ZNF518A: variants seen among roughly 807,000 people sequenced by gnomAD.
ZNF518A encodes the protein zinc finger protein 518A.
ZNF518A carries 47 observed loss-of-function variants against 102.7 expected under a neutral mutation model. That is an observed-to-expected ratio of 0.46 (90% CI 0.36 to 0.58). ZNF518A has a LOEUF of 0.58. Among genes scored for constraint, ZNF518A ranks in the 20% least tolerant of loss-of-function variants. The pLI is 0.00. For synonymous variants in ZNF518A, 652 were observed against 594.6 expected (o/e 1.10, Z -1.40); for missense variants, 1,793 against 1,699.8 (o/e 1.05, Z -0.96).
intron 1 of ZNF518A, chr10:96,189,997 T>C: frequency 2.4e-6 from 2 of 820,468 alleles, no homozygotes; most frequent in Non-Finnish European, 2.1e-6. Context: ...AAGGTGCCAG[T>C]GTTATTTAAT....
Position 96,162,453 on chromosome 10 carries a change from TC to T in ZNF518A, c.*1683del, listed in dbSNP as rs1300333531. 8 of 167,096 alleles carry T rather than the reference TC, an allele frequency of 4.8e-5. No individual in the cohort carries two copies. In the East Asian group the frequency reaches 1.5e-3, roughly 32 times the overall value. 10.4% of individuals were successfully genotyped at this position (167,096 alleles called of 1,614,324 possible). ...AACAGTAGGTCCCAAATGGGCCCAT[TC>T]CCCTAATAGTTTTATTTTTAAAGAA... On this transcript the variant is annotated 3_prime_UTR_variant, in exon 6 of 6. Transcript: ENST00000316045.
rs782047375 is a variant in ZNF518A at position 96,156,460 on chromosome 10, A to G, written c.138A>G (p.Lys46=). 6.2e-7 allele frequency: 1 copy of G among 1,613,206 alleles called. No individual in the cohort carries two copies. The highest frequency in any genetic ancestry group is 8.5e-7 in the Non-Finnish European group (1 of 1,179,600). ...CAGGAAGTATTCATTATGCACTAAA[A>G]AATGTGAAAATTGATTTGCCAAAAA... The part of the protein sequence containing the change: ...KISGSIHYAL[K]NVKIDLPKIN... Residue 46 remains lysine (K), a synonymous_variant, in exon 6 of 6, where the codon AAA becomes AAG. Transcript: ENST00000316045.
chr10:96,139,253 TA>T (rs2081786105), intron 3 of ZNF518A, among the ~76,000 whole-genome samples: 1 of 152,126 alleles, frequency 6.6e-6, no homozygotes, highest in African/African-American at 2.4e-5. Context: ...GTAAAGAGAT[TA>T]AATTTTATTT....
At chr10:96,174,724 C>G (rs782618212) in intron 1 of ZNF518A, among the ~76,000 whole-genome samples, 1 of 146,926 alleles carries the variant, frequency 6.8e-6, no homozygotes, top group Non-Finnish European at 1.5e-5. Context: ...TTAGTAAAGT[C>G]TACCAAAAAA....
At chr10:96,136,310 T>C (rs1444945863) in intron 3 of ZNF518A, among the ~76,000 whole-genome samples, 1 of 151,704 alleles carries the variant, frequency 6.6e-6, no homozygotes, top group East Asian at 2.0e-4. Flanking sequence ...TTTTTAAAAA[T>C]AGCAATTAAC....
At chr10:96,173,471 C>T (rs928259349) in intron 1 of ZNF518A, among the ~76,000 whole-genome samples, 12 of 152,026 alleles carry the variant, frequency 7.9e-5, no homozygotes, top group Middle Eastern at 6.8e-3. Context: ...TAACAAAATA[C>T]CATAGACTGA....
At chr10:96,197,454 A>G (rs1186130090) in intron 1 of ZNF518A, among the ~76,000 whole-genome samples, 1 of 152,154 alleles carries the variant, frequency 6.6e-6, no homozygotes, top group African/African-American at 2.4e-5. Context: ...ACTGGCATGC[A>G]CCACCATGCC....
chr10:96,171,023 TA>T (rs782009842), intron 1 of ZNF518A, among the ~76,000 whole-genome samples: 248 of 136,990 alleles, frequency 1.8e-3, no homozygotes, highest in East Asian at 5.0e-3. Context: ...GAGATACCAC[TA>T]AAAAAAAAAA....
chr10:96,130,370 C>T lies in ZNF518A; in HGVS notation c.-835C>T, dbSNP rs1445899509. 6.6e-6 allele frequency among the ~76,000 whole-genome samples: 1 copy of T among 152,202 alleles called. No homozygotes were observed. Among genetic ancestry groups the T allele is most frequent in the Non-Finnish European group, 1.5e-5 (1 of 68,034 alleles). On this transcript the variant is annotated 5_prime_UTR_variant, in exon 1 of 6. Coordinates refer to ENST00000316045, the MANE Select transcript of ZNF518A (RefSeq NM_001330736.2). ...GCTTTTGCCGACTGCTAGAGCTTACCCTTACTTTCTTAACCTGGGGTTGTT... is the reference window on the plus strand; with the variant it reads ...GCTTTTGCCGACTGCTAGAGCTTACTCTTACTTTCTTAACCTGGGGTTGTT...
chr10:96,153,034 C>G (rs781978441), intron 3 of ZNF518A, among the ~76,000 whole-genome samples: 1 of 152,170 alleles, frequency 6.6e-6, no homozygotes, highest in Non-Finnish European at 1.5e-5. Context: ...ATGATTCAGT[C>G]CAAGTCCAAA....
chr10:96,180,867 T>G (rs11188649), intron 1 of ZNF518A, among the ~76,000 whole-genome samples: 129,126 of 152,160 alleles, frequency 0.85, 55,641 homozygotes, highest in Middle Eastern at 0.93. Context: ...CCCAGTAATG[T>G]GATGGCTGGG....
chr10:96,159,600 C>A lies in ZNF518A; in HGVS notation c.3278C>A (p.Pro1093His). 1 of 1,613,850 alleles carries A rather than the reference C, an allele frequency of 6.2e-7. No homozygotes were observed. Among genetic ancestry groups the A allele is most frequent in the Non-Finnish European group, 8.5e-7 (1 of 1,179,808 alleles). Residue 1093 changes from proline to histidine, a missense_variant, in exon 6 of 6, where the codon CCT (proline) becomes CAT (histidine). Around this residue, in one of 3 missense-constraint regions of ZNF518A, gnomAD observed 1,741 missense variants for 1,622.6 expected, o/e 1.07. Transcript: ENST00000316045. ...KQQNEIFPKP[P>H]LYTFLPDGKQ... Reference sequence around the variant, plus strand: ...CAGAATGAGATTTTTCCAAAACCACCTCTTTATACCTTCTTGCCTGATGGC... The same window carrying A: ...CAGAATGAGATTTTTCCAAAACCACATCTTTATACCTTCTTGCCTGATGGC...
chr10:96,191,346 G>A (rs2083326779), intron 1 of ZNF518A, among the ~76,000 whole-genome samples: 1 of 149,222 alleles, frequency 6.7e-6, no homozygotes, highest in South Asian at 2.1e-4. Flanking sequence ...CTATTTGATA[G>A]ACATGTAGAT....
chr10:96,138,214 T>C (rs2142412776), intron 3 of ZNF518A, among the ~76,000 whole-genome samples: 1 of 152,350 alleles, frequency 6.6e-6, no homozygotes, highest in South Asian at 2.1e-4. Flanking sequence ...GCCCAAGTGA[T>C]AGAAGTAATT....
At chr10:96,142,247 G>A (rs1176334310) in intron 3 of ZNF518A, among the ~76,000 whole-genome samples, 1 of 151,580 alleles carries the variant, frequency 6.6e-6, no homozygotes, top group African/African-American at 2.4e-5. Context: ...GTCATGAATA[G>A]ATAATAGTTA....
chr10:96,150,640 GCT>G (rs1316357357), intron 3 of ZNF518A, among the ~76,000 whole-genome samples: 9 of 139,556 alleles, frequency 6.4e-5, no homozygotes, highest in African/African-American at 2.4e-4. Flanking sequence ...CAGTCAGTAT[GCT>G]CTTTTTTTCA....
At chr10:96,131,753 G>A (rs1314063884) in intron 1 of ZNF518A, among the ~76,000 whole-genome samples, 1 of 152,160 alleles carries the variant, frequency 6.6e-6, no homozygotes, top group East Asian at 1.9e-4. Flanking sequence ...ACTTTTAAAT[G>A]CTTCAATTTT....
chr10:96,150,275 A>G (rs372099940), intron 3 of ZNF518A, among the ~76,000 whole-genome samples: 1 of 151,360 alleles, frequency 6.6e-6, no homozygotes, highest in Admixed American at 6.6e-5. Flanking sequence ...CGGAGCTTGC[A>G]GTGAGCTGAG....
In ZNF518A at chr10:96,158,101, C is replaced by T; in HGVS notation, c.1779C>T (p.Thr593=). Residue 593 remains threonine, a synonymous_variant, in exon 6 of 6, where the codon ACC becomes ACT. Coordinates refer to ENST00000316045, the MANE Select transcript of ZNF518A (RefSeq NM_001330736.2). ...LTQSHPEVLG[T]TIKSPDKVNC... ...AGAGTCACCCCGAGGTATTAGGTAC[C>T]ACCATTAAAAGTCCAGATAAAGTCA... is the stretch of plus-strand genomic sequence containing the variant. 6.2e-7 allele frequency: 1 copy of T among 1,613,462 alleles called. No homozygotes were observed. The highest frequency in any genetic ancestry group is 8.5e-7 in the Non-Finnish European group (1 of 1,179,688).
Sources: allele counts gnomAD v4.1 joint callset (sites outside exome capture counted in the v4.1 genomes callset), GRCh38; gene constraint gnomAD v4.1.1; regional missense constraint gnomAD v4.1.1; transcripts MANE v1.5; gene names NCBI Gene and HGNC (gene_info 2026-07-23, HGNC 2026-07-21).